The following STAU1 variants were observed in gnomAD, a reference collection of about 807,000 sequenced individuals.
The protein encoded by STAU1 is staufen double-stranded RNA binding protein 1.
STAU1 carries 13 observed loss-of-function variants against 62.9 expected under a neutral mutation model. The ratio of observed to expected loss-of-function variants is 0.21; its 90% CI spans 0.13 to 0.33. STAU1 has a LOEUF of 0.33. STAU1 is among the 10% of genes least tolerant of loss of function. The probability of loss-of-function intolerance (pLI) is 1.00; values close to 1 mark genes in which losing one functional copy is unlikely to be tolerated. For missense variants in STAU1, 571 were observed against 712.1 expected (o/e 0.80, Z 2.25); for synonymous variants, 269 against 265.1 (o/e 1.01, Z -0.14).
chr20:49,126,583 A>AC (rs1176305746), intron 6 of STAU1, among the ~76,000 whole-genome samples: 16 of 112,478 alleles, frequency 1.4e-4, no homozygotes, highest in African/African-American at 4.8e-4. Context: ...GCAAAAAAAA[A>AC]AAAACAAAAA....
chr20:49,115,139 A>C (rs2145794702), intron 13 of STAU1, among the ~76,000 whole-genome samples: 1 of 152,148 alleles, frequency 6.6e-6, no homozygotes, highest in Admixed American at 6.5e-5. Flanking sequence ...TGTATAAAGA[A>C]ACATACAGGA....
intron 9 of STAU1, 105 bp downstream of exon 9, chr20:49,119,877 G>C: frequency 7.3e-7 from 1 of 1,371,288 alleles, no homozygotes; most frequent in Non-Finnish European, 9.9e-7. Flanking sequence ...TCCTTGAACT[G>C]TCAGGCAGAT....
chr20:49,124,097 C>T (rs981004205), intron 7 of STAU1, among the ~76,000 whole-genome samples: 2 of 152,236 alleles, frequency 1.3e-5, no homozygotes, highest in African/African-American at 2.4e-5. Flanking sequence ...ACCGGCATGG[C>T]GTTCCTGCCC....
chr20:49,218,711 G>T, the STAU1 span, among the ~76,000 whole-genome samples: 1 of 133,432 alleles, frequency 7.5e-6, no homozygotes, highest in Non-Finnish European at 1.6e-5. Context: ...TTTCTTCTGA[G>T]ATTTTTTTTC....
chr20:49,151,021 A>G (rs923375746), intron 5 of STAU1, among the ~76,000 whole-genome samples: 1 of 152,152 alleles, frequency 6.6e-6, no homozygotes, highest in African/African-American at 2.4e-5. Flanking sequence ...CTTCAACCAA[A>G]GCTGTGTGGA....
At chr20:49,217,718 A>G in the STAU1 span, among the ~76,000 whole-genome samples, 13,119 of 145,760 alleles carry the variant, frequency 0.09, 737 homozygotes, top group African/African-American at 0.16. Flanking sequence ...GCAGTGGCTC[A>G]TGCCTGTAAT....
chr20:49,206,696 A>C, the STAU1 span, among the ~76,000 whole-genome samples: 84 of 138,480 alleles, frequency 6.1e-4, 1 homozygote, highest in African/African-American at 2.1e-3. Flanking sequence ...TTTTTAAAAA[A>C]TAATAAATTT....
chr20:49,150,638 G>T (rs933026618), intron 5 of STAU1, among the ~76,000 whole-genome samples: 2 of 152,150 alleles, frequency 1.3e-5, no homozygotes, highest in African/African-American at 4.8e-5. Context: ...TGGGATTACA[G>T]GCGTGAGCCA....
intron 9 of STAU1, among the ~76,000 whole-genome samples, chr20:49,119,369 G>C (rs2092411299): frequency 6.6e-6 from 1 of 152,004 alleles, no homozygotes; most frequent in Admixed American, 6.6e-5. Flanking sequence ...GTAGAGACAG[G>C]GTTTCATCAT....
intron 3 of STAU1, chr20:49,158,536 G>A (rs1433170602): frequency 7.7e-7 from 1 of 1,294,450 alleles, no homozygotes; most frequent in Non-Finnish European, 1.0e-6. Flanking sequence ...TTGGCCAGGT[G>A]CAGTGGCTCA....
the STAU1 span, among the ~76,000 whole-genome samples, chr20:49,202,230 A>AAAAAGAAAGAAAGAAAGAAAG: frequency 9.4e-4 from 122 of 130,364 alleles, 2 homozygotes; most frequent in Non-Finnish European, 1.7e-3. Flanking sequence ...AAAAAAAAAA[A>AAAAAGAAAGAAAGAAAGAAAG]AAAGAAAGAA....
chr20:49,174,676 G>A (rs1474958804), intron 1 of STAU1, among the ~76,000 whole-genome samples: 2 of 152,150 alleles, frequency 1.3e-5, no homozygotes, highest in South Asian at 2.1e-4. Context: ...GGTGGCGCAC[G>A]CCTGTAATCC....
chr20:49,217,680 T>A, the STAU1 span, among the ~76,000 whole-genome samples: 5 of 144,294 alleles, frequency 3.5e-5, no homozygotes, highest in African/African-American at 1.2e-4. Context: ...TTTTAAAATA[T>A]ATATATATAT....
At chr20:49,192,810 A>G (rs1213966646), upstream of STAU1, among the ~76,000 whole-genome samples, 1 of 152,198 alleles carries the variant, frequency 6.6e-6, no homozygotes, top group Non-Finnish European at 1.5e-5. Flanking sequence ...ATACATTAAA[A>G]TTTAAAAAGA....
chr20:49,128,277 G>A (rs1223778982), intron 6 of STAU1, among the ~76,000 whole-genome samples: 1 of 152,184 alleles, frequency 6.6e-6, no homozygotes, highest in Non-Finnish European at 1.5e-5. Context: ...AGTGAGGTGA[G>A]ATCATGCCAC....
At chr20:49,187,956 C>T (rs1407165554) in intron 1 of STAU1, among the ~76,000 whole-genome samples, 160 bp downstream of exon 1, 1 of 151,810 alleles carries the variant, frequency 6.6e-6, no homozygotes, top group African/African-American at 2.4e-5. Flanking sequence ...CAAGAGGACC[C>T]GCCTCCTCCG....
In STAU1 at chr20:49,130,530, T is replaced by C. The variant is rs116387354; in HGVS notation, c.609+5303A>G. 3.6e-3 allele frequency among the ~76,000 whole-genome samples: 548 copies of C among 152,176 alleles called. 3 individuals are homozygous for C. The highest frequency in any genetic ancestry group is 0.013 in the African/African-American group (530 of 41,518). ...GCATGTTAAAGGGCACAAGGGCCAA[T>C]TTAAAGGACAATTTGGACATCAAAA... On this transcript the variant is annotated intron_variant, in intron 6 of 13. Transcript: ENST00000371856.
At chr20:49,206,749 A>T in the STAU1 span, among the ~76,000 whole-genome samples, 1,653 of 73,100 alleles carry the variant, frequency 0.023, 54 homozygotes, top group African/African-American at 0.08. Flanking sequence ...ATATATATAT[A>T]TATTTTATTT....
chr20:49,202,758 G>A, the STAU1 span, among the ~76,000 whole-genome samples: 1 of 151,574 alleles, frequency 6.6e-6, no homozygotes, highest in Non-Finnish European at 1.5e-5. Context: ...GGAGAAGGAG[G>A]CCAGGCTCCG....
Sources: gnomAD v4.1 joint callset for allele counts (sites outside exome capture counted in the v4.1 genomes callset) on GRCh38, gnomAD v4.1.1 for gene constraint, MANE v1.5 for transcripts, NCBI Gene and HGNC (gene_info 2026-07-23, HGNC 2026-07-21) for gene names.